TSPAN1: variants seen among roughly 807,000 people sequenced by gnomAD.
TSPAN1 encodes the protein tetraspanin 1.
TSPAN1 carries 23 observed loss-of-function variants against 26.9 expected under a neutral mutation model. That is an observed-to-expected ratio of 0.85 (90% CI 0.62 to 1.21). The LOEUF (loss-of-function observed/expected upper bound fraction) is 1.21, where lower values mean the gene tolerates loss of function less well. Ranked by LOEUF, TSPAN1 falls within the 50% of genes most tolerant of loss-of-function variation. The probability of loss-of-function intolerance (pLI) is 0.00; values close to 1 mark genes in which losing one functional copy is unlikely to be tolerated. For synonymous variants in TSPAN1, 115 were observed against 114.8 expected, an observed-to-expected ratio of 1.00 and a Z score of -0.01; for missense variants, 283 against 298.4, an observed-to-expected ratio of 0.95 and a Z score of 0.38.
At chr1:46,176,505 G>A (rs752403981) in intron 1 of TSPAN1, 110 of 1,533,108 alleles carry the variant, frequency 7.2e-5, no homozygotes, top group Non-Finnish European at 8.4e-5. Flanking sequence ...TGCCTGGGGG[G>A]TGCTGTTGGC....
downstream of TSPAN1, chr1:46,190,027 C>T: frequency 6.2e-7 from 1 of 1,611,752 alleles, no homozygotes; most frequent in East Asian, 2.2e-5. Context: ...CAAGACAGGG[C>T]CCACTTCATG....
chr1:46,180,772 G>T, intron 2 of TSPAN1, 114 bp downstream of exon 2: 1 of 354,548 alleles, frequency 2.8e-6, no homozygotes, highest in Non-Finnish European at 5.2e-6. Flanking sequence ...TTAGTGTGGG[G>T]GGGAGCACAG....
Position 46,185,731 on chromosome 1 carries a change from G to A in TSPAN1, c.*198G>A. 1 of 634,174 alleles carries A rather than the reference G, an allele frequency of 1.6e-6. No homozygotes were observed. Among genetic ancestry groups the A allele is most frequent in the East Asian group, 2.7e-5 (1 of 36,532 alleles). The allele number at this position is 634,174 out of a possible 1,614,324, so 39.3% of individuals were successfully genotyped here. ...GATGCCTGACTTTCCTTCCATTGGT[G>A]GGTGGATGGGTGGGGGGCATTCCAG... is the stretch of plus-strand genomic sequence containing the variant. On this transcript the variant is annotated 3_prime_UTR_variant, in exon 9 of 9. Coordinates refer to ENST00000372003, the MANE Select transcript of TSPAN1 (RefSeq NM_005727.4).
At chr1:46,189,705 A>G, downstream of TSPAN1, 1 of 1,548,724 alleles carries the variant, frequency 6.5e-7, no homozygotes, top group Admixed American at 2.0e-5. Flanking sequence ...TAGAATATGA[A>G]TTTGGACAAG....
chr1:46,195,680 TGA>T, the TSPAN1 span: 257 of 851,892 alleles, frequency 3.0e-4, 1 homozygote, highest in African/African-American at 3.7e-3. Context: ...ATGTTAAGGC[TGA>T]GATTGGAACC....
the TSPAN1 span, chr1:46,193,683 A>G: frequency 4.3e-6 from 7 of 1,613,228 alleles, no homozygotes; most frequent in African/African-American, 6.7e-5. Flanking sequence ...ATCACCCCTC[A>G]ACTCAGGTTC....
At chr1:46,181,568 G>A (rs921321964) in intron 3 of TSPAN1, among the ~76,000 whole-genome samples, 17 of 152,322 alleles carry the variant, frequency 1.1e-4, no homozygotes, top group South Asian at 6.2e-4. Context: ...TCTGTATGAC[G>A]GGGAGCTGAA....
intron 3 of TSPAN1, 34 bp downstream of exon 3, chr1:46,181,198 C>T (rs1482828553): frequency 6.3e-7 from 1 of 1,597,758 alleles, no homozygotes; most frequent in East Asian, 2.2e-5. Flanking sequence ...TTTGGGGCTC[C>T]CTATAGGAGC....
At chr1:46,189,519 A>G, downstream of TSPAN1, 8 of 1,613,522 alleles carry the variant, frequency 5.0e-6, no homozygotes, top group Non-Finnish European at 6.8e-6. Flanking sequence ...AACAATCTCC[A>G]CAGGCCCCGA....
chr1:46,185,627 A>C lies in TSPAN1; in HGVS notation c.*94A>C. On this transcript the variant is annotated 3_prime_UTR_variant, in exon 9 of 9. Transcript: ENST00000372003. ...GTGATTGGGGGAGGGGACAGGATCT[A>C]ACAATGTCACTTGGGCCAGAATGGA... 1 of 1,431,378 alleles carries C rather than the reference A, an allele frequency of 7.0e-7. No individual in the cohort carries two copies. The highest frequency in any genetic ancestry group is 9.7e-7 in the Non-Finnish European group (1 of 1,026,550). The allele number at this position is 1,431,378 out of a possible 1,614,324, so 88.7% of individuals were successfully genotyped here.
chr1:46,177,201 G>C (rs1657193873), intron 1 of TSPAN1, among the ~76,000 whole-genome samples: 2 of 152,058 alleles, frequency 1.3e-5, no homozygotes, highest in South Asian at 4.1e-4. Flanking sequence ...TGGGTGTGGT[G>C]GTGGGTGCCT....
chr1:46,188,990 G>A (rs1353431801), downstream of TSPAN1: 2 of 1,604,510 alleles, frequency 1.2e-6, no homozygotes, highest in Non-Finnish European at 1.7e-6. Context: ...CCTGGAAAGT[G>A]AGGGTATTCA....
the TSPAN1 span, chr1:46,195,400 A>G: frequency 2.7e-6 from 1 of 373,742 alleles, no homozygotes; most frequent in Admixed American, 3.8e-5. Flanking sequence ...CTTTCTGCTC[A>G]CATATCATCT....
At chr1:46,178,501 C>A (rs1408548138) in intron 1 of TSPAN1, among the ~76,000 whole-genome samples, 1 of 151,758 alleles carries the variant, frequency 6.6e-6, no homozygotes, top group Non-Finnish European at 1.5e-5. Flanking sequence ...TTAGTACCAC[C>A]CTCACAAACC....
intron 1 of TSPAN1, chr1:46,176,544 A>G: frequency 6.7e-7 from 1 of 1,502,304 alleles, no homozygotes; most frequent in Non-Finnish European, 8.9e-7. Flanking sequence ...TATGACATAC[A>G]AAGTCTGCAT....
chr1:46,177,296 T>C (rs1400602536), intron 1 of TSPAN1, among the ~76,000 whole-genome samples: 1 of 151,454 alleles, frequency 6.6e-6, no homozygotes, highest in East Asian at 1.9e-4. Flanking sequence ...GATTGCACCA[T>C]TGCACTCCAG....
chr1:46,194,943 G>C, the TSPAN1 span: 16 of 1,614,020 alleles, frequency 9.9e-6, no homozygotes, highest in Non-Finnish European at 1.4e-5. Flanking sequence ...GTGTCCTTGA[G>C]GTGGAAGGAG....
intron 1 of TSPAN1, among the ~76,000 whole-genome samples, chr1:46,176,952 G>T (rs1162867653): frequency 2.6e-5 from 4 of 152,140 alleles, no homozygotes; most frequent in African/African-American, 4.8e-5. Flanking sequence ...TAAATGCAAG[G>T]TTAGGTTCCT....
chr1:46,196,403 T>G, the TSPAN1 span, among the ~76,000 whole-genome samples: 1 of 152,182 alleles, frequency 6.6e-6, no homozygotes, highest in African/African-American at 2.4e-5. This position sits in a 1 kb window ranked among gnomAD's most constrained non-coding sequence, Gnocchi z 4.4. Flanking sequence ...TCTGATTACT[T>G]TCAGGTCCCC....
Sources: gnomAD v4.1 joint callset for allele counts (sites outside exome capture counted in the v4.1 genomes callset) on GRCh38, gnomAD v4.1.1 for gene constraint, Gnocchi (gnomAD v3.1) non-coding constraint, MANE v1.5 for transcripts, NCBI Gene and HGNC (gene_info 2026-07-23, HGNC 2026-07-21) for gene names.